Variants in MYO16 observed in about 807,000 individuals in gnomAD.
MYO16 encodes the protein myosin XVI.
Under a neutral mutation model 205.3 loss-of-function variants are expected in MYO16, and 94 were observed. The ratio of observed to expected loss-of-function variants is 0.46; its 90% confidence interval spans 0.39 to 0.54. The LOEUF (loss-of-function observed/expected upper bound fraction) is 0.54, where lower values mean the gene tolerates loss of function less well. Among genes scored for constraint, MYO16 ranks in the 20% least tolerant of loss-of-function variants. MYO16 has a pLI of 0.00. For synonymous variants in MYO16, 988 were observed against 954.0 expected (o/e 1.04, Z -0.66); for missense variants, 2,315 against 2,387.5 (o/e 0.97, Z 0.63).
In MYO16 at chr13:108,752,267, ATAT is replaced by A. The variant is rs142497203; in HGVS notation, c.507+24688_507+24690del. 5.5e-3 allele frequency among the ~76,000 whole-genome samples: 843 copies of A among 152,298 alleles called. 6 individuals carry two copies. Among genetic ancestry groups the A allele is most frequent in the African/African-American group, 0.019 (786 of 41,558 alleles). On this transcript the variant is annotated intron_variant, in intron 4 of 34. Transcript: ENST00000457511. ...CAAGTCTCATTGTGACTTGAGGAAAATATTATAGAAGTCAACATCTGTAATTTA... is the reference window on the plus strand; with the variant it reads ...CAAGTCTCATTGTGACTTGAGGAAAATATAGAAGTCAACATCTGTAATTTA...
Position 108,697,431 on chromosome 13 carries a change from C to T in MYO16, c.293-15230C>T, listed in dbSNP as rs185160821. On this transcript the variant is annotated intron_variant, in intron 2 of 34. Coordinates refer to ENST00000457511, the MANE Select transcript of MYO16 (RefSeq NM_001198950.3). ...AAAGAGGTCTAGAGATTACTCAGCA[C>T]GGGAGGACATTTCTTTTCCAGGAAT... Among the ~76,000 whole-genome samples, 12 of 152,252 alleles carry T rather than the reference C, an allele frequency of 7.9e-5. No homozygotes were observed. The East Asian group carries it at 1.5e-3, about 20-fold the overall frequency.
At chr13:108,906,639 A>G (rs1362090760) in intron 15 of MYO16, among the ~76,000 whole-genome samples, 1 of 152,212 alleles carries the variant, frequency 6.6e-6, no homozygotes, top group African/African-American at 2.4e-5. Context: ...GAGACAAGAC[A>G]GTTGGGCTTA....
At chr13:109,114,238 A>G (rs1875558077) in intron 28 of MYO16, among the ~76,000 whole-genome samples, 1 of 152,220 alleles carries the variant, frequency 6.6e-6, no homozygotes, top group Non-Finnish European at 1.5e-5. Context: ...GACCACCGTC[A>G]CCGACATCAT....
At position 109,125,259 on chromosome 13, in the gene MYO16, A is replaced by C; in HGVS notation, c.3683A>C (p.Asp1228Ala). 6.2e-7 allele frequency: 1 copy of C among 1,614,136 alleles called. No individual in the cohort carries two copies. The highest frequency in any genetic ancestry group is 8.5e-7 in the Non-Finnish European group (1 of 1,180,032). ...GCCCTGGTCATTCAGAATGCTTCAGACATTGCCCGGGAAAATGACCGGCTC... is the reference window on the plus strand; with the variant it reads ...GCCCTGGTCATTCAGAATGCTTCAGCCATTGCCCGGGAAAATGACCGGCTC... ...YDALVIQNASDIARENDRLRS... is the reference protein window; with the variant it reads ...YDALVIQNASAIARENDRLRS... The change falls in exon 30 of 35, where the codon GAC (aspartate) becomes GCC (alanine). Residue 1228 changes from aspartate to alanine, a missense_variant. This residue lies in a region of MYO16 where 1,097 missense variants were observed against 1,092.0 expected (regional missense o/e 1.00). Transcript: ENST00000457511. This position sits in a 1 kb window ranked among gnomAD's most constrained non-coding sequence, Gnocchi z 4.0.
intron 4 of MYO16, among the ~76,000 whole-genome samples, chr13:108,743,243 C>G (rs1342890423): frequency 6.6e-6 from 1 of 152,038 alleles, no homozygotes; most frequent in Admixed American, 6.6e-5. Flanking sequence ...AGGCCTTTGC[C>G]TTTTTCTTAT....
chr13:109,009,305 T>C (rs948841365), intron 22 of MYO16, among the ~76,000 whole-genome samples: 1 of 152,200 alleles, frequency 6.6e-6, no homozygotes, highest in African/African-American at 2.4e-5. Flanking sequence ...TCAACATCAC[T>C]AAAACTCTCC....
At chr13:109,078,017 G>A (rs188703474) in intron 27 of MYO16, among the ~76,000 whole-genome samples, 82 of 151,958 alleles carry the variant, frequency 5.4e-4, no homozygotes, top group South Asian at 1.7e-3. Flanking sequence ...ATCTCTTCAG[G>A]TCCACTAATC....
At chr13:109,145,673 G>A (rs949550353) in intron 32 of MYO16, among the ~76,000 whole-genome samples, 11 of 152,144 alleles carry the variant, frequency 7.2e-5, no homozygotes, top group African/African-American at 2.7e-4. Flanking sequence ...ATTTCTAGTT[G>A]CTTGGTTTCA....
chr13:108,500,170 T>C, the MYO16 span, among the ~76,000 whole-genome samples: 1 of 149,030 alleles, frequency 6.7e-6, no homozygotes, highest in Non-Finnish European at 1.5e-5. Flanking sequence ...TTGATTGTTC[T>C]CTCTAGGCTG....
rs1231694773 is a variant in MYO16, at chr13:108,736,659, G to GT, written c.507+9081dup. Among the ~76,000 whole-genome samples, 5 of 152,298 alleles carry GT rather than the reference G, an allele frequency of 3.3e-5. No individual in the cohort carries two copies. In the East Asian group the frequency reaches 9.6e-4, roughly 29 times the overall value. ...TTGGTTCCATATGAACTTTAAAGTA[G>GT]TTTTTCCCAATTCTCTGAAGAGAGT... On this transcript the variant is annotated intron_variant, in intron 4 of 34. Transcript: ENST00000457511.
At chr13:108,834,660 TCTCTCTCTCA>T (rs1483328653) in intron 9 of MYO16, among the ~76,000 whole-genome samples, 5,853 of 36,320 alleles carry the variant, frequency 0.16, 386 homozygotes, top group African/African-American at 0.26. Flanking sequence ...TCTCTCTCTC[TCTCTCTCTCA>T]CACATATATA....
intron 23 of MYO16, among the ~76,000 whole-genome samples, chr13:109,044,570 A>G (rs1886980373): frequency 6.6e-6 from 1 of 152,204 alleles, no homozygotes; most frequent in African/African-American, 2.4e-5. Flanking sequence ...GTTATATAGT[A>G]TGCCAGAAGA....
At chr13:108,619,607 C>T (rs990335395) in intron 1 of MYO16, among the ~76,000 whole-genome samples, 3 of 152,220 alleles carry the variant, frequency 2.0e-5, no homozygotes, top group Non-Finnish European at 2.9e-5. Context: ...GATGTAGCAT[C>T]AGGAGGTATC....
chr13:108,706,814 G>T (rs9520971), intron 2 of MYO16, among the ~76,000 whole-genome samples: 95 of 152,134 alleles, frequency 6.2e-4, no homozygotes, highest in Non-Finnish European at 1.1e-3. Context: ...AAGTTGAGTG[G>T]GAAAAAAGAA....
At chr13:108,777,546 C>T (rs1886162330) in intron 4 of MYO16, among the ~76,000 whole-genome samples, 1 of 152,082 alleles carries the variant, frequency 6.6e-6, no homozygotes, top group South Asian at 2.1e-4. Flanking sequence ...TTCTGGCAAT[C>T]AGGAAGCTAT....
In MYO16 at chr13:108,918,911, C is replaced by T. The variant is rs141125222; in HGVS notation, c.1925+8761C>T. On this transcript the variant is annotated intron_variant, in intron 16 of 34. Transcript: ENST00000457511. The stretch of plus-strand genomic sequence containing the variant: ...GAGCCAAGATCACACCACTGCACTC[C>T]AGCCTGGGCAACAAGAGCGAGACTC... Among the ~76,000 whole-genome samples the T allele has an allele frequency of 7.1e-3, 1,062 of 150,372 alleles. 10 individuals are homozygous for T. The highest frequency in any genetic ancestry group is 0.025 in the African/African-American group (1,005 of 40,822).
Position 109,109,732 on chromosome 13 carries a change from A to G in MYO16, c.3438+8845A>G, listed in dbSNP as rs181014224. On this transcript the variant is annotated intron_variant, in intron 28 of 34. Coordinates refer to ENST00000457511, the MANE Select transcript of MYO16 (RefSeq NM_001198950.3). ...TTTAAAAAACGAACTTGCTCCATAAAATATGTTTGGAGCTCTAGATGATGG... is the reference window on the plus strand; with the variant it reads ...TTTAAAAAACGAACTTGCTCCATAAGATATGTTTGGAGCTCTAGATGATGG... Among the ~76,000 whole-genome samples, 13 of 151,092 alleles carry G rather than the reference A, an allele frequency of 8.6e-5. No individual in the cohort carries two copies. The East Asian group carries it at 2.5e-3, about 29-fold the overall frequency.
intron 32 of MYO16, among the ~76,000 whole-genome samples, chr13:109,143,719 G>A (rs528693804): frequency 2.6e-5 from 4 of 152,208 alleles, no homozygotes; most frequent in Non-Finnish European, 5.9e-5. Flanking sequence ...TTATTTCCCT[G>A]TGGTGGTATT....
chr13:109,146,759 A>G (rs963544545), intron 32 of MYO16, among the ~76,000 whole-genome samples: 1 of 152,050 alleles, frequency 6.6e-6, no homozygotes, highest in South Asian at 2.1e-4. Flanking sequence ...TTGCTCCACT[A>G]CACTCCAGGT....
Sources: allele counts gnomAD v4.1 joint callset (sites outside exome capture counted in the v4.1 genomes callset), GRCh38; gene constraint gnomAD v4.1.1; regional missense constraint gnomAD v4.1.1; non-coding constraint Gnocchi (gnomAD v3.1); transcripts MANE v1.5; gene names NCBI Gene and HGNC (gene_info 2026-07-23, HGNC 2026-07-21).